TMEM243: variants seen among roughly 807,000 people sequenced by gnomAD.
TMEM243 encodes transmembrane protein 243, also known as MDR1 and mitochondrial taxol resistance associated.
Under a neutral mutation model 15.0 loss-of-function variants are expected in TMEM243, and 20 were observed. The observed-to-expected ratio is 1.33, with a 90% CI of 0.94 to 1.93. The LOEUF (loss-of-function observed/expected upper bound fraction) is 1.93. TMEM243 is among the 30% of genes most tolerant of loss of function. The pLI is 0.00. For missense variants in TMEM243, 156 were observed against 142.1 expected (o/e 1.10, Z -0.50); for synonymous variants, 72 against 52.7 (o/e 1.37, Z -1.59).
In TMEM243 at chr7:87,202,349, AC is replaced by A. The variant is rs1801879351; in HGVS notation, c.79-3293del. Among the ~76,000 whole-genome samples the A allele has an allele frequency of 2.6e-5, 4 of 152,320 alleles. No homozygotes were observed. The East Asian group carries it at 7.7e-4, about 29-fold the overall frequency. ...GAATTCCACAAAGACCCATGGGAGA[AC>A]AAAAGCATTGCTGTTACAAAAAATC... On this transcript the variant is annotated intron_variant, in intron 1 of 3. Coordinates refer to ENST00000257637, the MANE Select transcript of TMEM243 (RefSeq NM_024315.4).
intron 1 of TMEM243, among the ~76,000 whole-genome samples, chr7:87,209,589 T>TGAGA (rs770006736): frequency 2.9e-5 from 3 of 104,790 alleles, no homozygotes; most frequent in Non-Finnish European, 4.0e-5. Context: ...AGAGAGACAG[T>TGAGA]GAGACAGTGA....
chr7:87,201,715 ACT>A (rs1801821998), intron 1 of TMEM243, among the ~76,000 whole-genome samples: 1 of 151,970 alleles, frequency 6.6e-6, no homozygotes, highest in Non-Finnish European at 1.5e-5. Context: ...GTAAATTGAA[ACT>A]CATTATTTCT....
intron 1 of TMEM243, among the ~76,000 whole-genome samples, chr7:87,200,766 C>G (rs1345274856): frequency 1.3e-5 from 2 of 152,134 alleles, no homozygotes; most frequent in Non-Finnish European, 2.9e-5. Context: ...ATCTCAATAC[C>G]ATTAAGTGAT....
intron 1 of TMEM243, among the ~76,000 whole-genome samples, chr7:87,216,241 T>A (rs1192155598): frequency 7.5e-6 from 1 of 133,930 alleles, no homozygotes; most frequent in African/African-American, 2.9e-5. Context: ...ACCACTGCAC[T>A]CCAGCCTGGG....
At chr7:87,197,688 ATTTTTT>A (rs71906317) in intron 3 of TMEM243, 10 of 982,144 alleles carry the variant, frequency 1.0e-5, no homozygotes, top group East Asian at 9.5e-5. Flanking sequence ...CTTTCCACTA[ATTTTTT>A]TTTTTTTTTT....
At chr7:87,197,710 T>G in intron 3 of TMEM243, 1 of 1,060,436 alleles carries the variant, frequency 9.4e-7, no homozygotes, top group South Asian at 4.1e-5. Context: ...TTTTTTTTTT[T>G]TTTTTTAAGC....
chr7:87,206,866 A>C (rs1802262678), intron 1 of TMEM243, among the ~76,000 whole-genome samples: 1 of 152,206 alleles, frequency 6.6e-6, no homozygotes, highest in African/African-American at 2.4e-5. Context: ...GAAATGGCCA[A>C]CGGTATTTTC....
At chr7:87,196,892 C>A in intron 3 of TMEM243, 134 bp from the exon 4 acceptor site, 2 of 622,502 alleles carry the variant, frequency 3.2e-6, no homozygotes, top group South Asian at 4.3e-5. Flanking sequence ...TCTCTACATT[C>A]CTGAGATCAG....
At chr7:87,208,871 T>C (rs146903213) in intron 1 of TMEM243, among the ~76,000 whole-genome samples, 2 of 152,378 alleles carry the variant, frequency 1.3e-5, no homozygotes, top group Non-Finnish European at 2.9e-5. Context: ...CTCTAACGAT[T>C]GTACAAAGGT....
At chr7:87,214,373 A>G (rs73210236) in intron 1 of TMEM243, among the ~76,000 whole-genome samples, 4,192 of 152,290 alleles carry the variant, frequency 0.028, 82 homozygotes, top group East Asian at 0.065. Context: ...TGTGGGCAGA[A>G]GAGGGGAGGA....
At chr7:87,209,610 G>C (rs1210226271) in intron 1 of TMEM243, among the ~76,000 whole-genome samples, 4 of 137,280 alleles carry the variant, frequency 2.9e-5, no homozygotes, top group African/African-American at 1.2e-4. Context: ...GAGAGAGAGA[G>C]ACAGAGAGAG....
At chr7:87,198,112 T>C in intron 2 of TMEM243, 67 bp from the exon 3 acceptor site, 1 of 1,342,144 alleles carries the variant, frequency 7.5e-7, no homozygotes, top group Non-Finnish European at 1.0e-6. Flanking sequence ...CCAACTGGAG[T>C]CTAGGCAACA....
At position 87,219,604 on chromosome 7, in the gene TMEM243, G is replaced by C; in HGVS notation, c.-101C>G. 2 of 1,079,124 alleles carry C rather than the reference G, an allele frequency of 1.9e-6. No homozygotes were observed. The highest frequency in any genetic ancestry group is 2.7e-5 in the South Asian group (2 of 73,400). The allele number at this position is 1,079,124 out of a possible 1,614,324, so 66.8% of individuals were successfully genotyped here. On this transcript the variant is annotated 5_prime_UTR_variant, in exon 1 of 4. Coordinates refer to ENST00000257637, the MANE Select transcript of TMEM243 (RefSeq NM_024315.4). ...TGCAAGCCTCCTCCTCACGGCTCCC[G>C]CATAGCCGAACCCGAGTGGTCGGGG...
chr7:87,209,563 TGAGA>T (rs985851710), intron 1 of TMEM243, among the ~76,000 whole-genome samples: 45 of 94,772 alleles, frequency 4.7e-4, no homozygotes, highest in Non-Finnish European at 6.2e-4. Flanking sequence ...AGAGAGACAA[TGAGA>T]GAGAGACAGT....
intron 1 of TMEM243, among the ~76,000 whole-genome samples, chr7:87,209,397 A>C (rs1240545961): frequency 6.6e-6 from 1 of 151,988 alleles, no homozygotes; most frequent in Non-Finnish European, 1.5e-5. Context: ...AGAGACAAAG[A>C]CATAGTGAAT....
intron 1 of TMEM243, among the ~76,000 whole-genome samples, chr7:87,215,031 T>C (rs1449422911): frequency 5.3e-5 from 8 of 152,358 alleles, no homozygotes. Flanking sequence ...ATTTTGGATT[T>C]GGGACATCGC....
At chr7:87,202,147 A>G (rs1395671314) in intron 1 of TMEM243, among the ~76,000 whole-genome samples, 1 of 152,250 alleles carries the variant, frequency 6.6e-6, no homozygotes, top group Non-Finnish European at 1.5e-5. Context: ...AGATGCAAAT[A>G]CAAAAGTGAA....
chr7:87,211,935 T>C (rs901416100), intron 1 of TMEM243, among the ~76,000 whole-genome samples: 2 of 152,352 alleles, frequency 1.3e-5, no homozygotes, highest in South Asian at 2.1e-4. Flanking sequence ...GAGCACGGGA[T>C]GTGCAAGAGA....
At chr7:87,208,015 C>T (rs1449884307) in intron 1 of TMEM243, among the ~76,000 whole-genome samples, 4 of 152,098 alleles carry the variant, frequency 2.6e-5, no homozygotes, top group Admixed American at 6.5e-5. Flanking sequence ...CATCTCCCAC[C>T]GGGTCCCTCC....
Sources: allele counts gnomAD v4.1 joint callset (sites outside exome capture counted in the v4.1 genomes callset), GRCh38; gene constraint gnomAD v4.1.1; transcripts MANE v1.5; gene names NCBI Gene and HGNC (gene_info 2026-07-23, HGNC 2026-07-21).